PCLO: variants seen among roughly 807,000 people sequenced by gnomAD.
PCLO encodes protein piccolo.
Under a neutral mutation model 427.5 loss-of-function variants are expected in PCLO, and 82 were observed. The observed-to-expected ratio is 0.19, with a 90% CI of 0.16 to 0.23. The LOEUF is 0.23. Ranked by LOEUF, PCLO falls within the 10% of genes least tolerant of loss-of-function variation. The pLI is 1.00. For missense variants in PCLO, 6,239 were observed against 6,115.9 expected (o/e 1.02, Z -0.67); for synonymous variants, 2,357 against 2,155.4 (o/e 1.09, Z -2.59).
chr7:82,786,059 G>T (rs1199421587), intron 22 of PCLO, among the ~76,000 whole-genome samples: 2 of 152,130 alleles, frequency 1.3e-5, no homozygotes, highest in Admixed American at 6.6e-5. Context: ...AACTTCTAAG[G>T]TAGATTAGGA....
chr7:83,028,879 T>C (rs998026607), intron 3 of PCLO, among the ~76,000 whole-genome samples: 8 of 151,892 alleles, frequency 5.3e-5, no homozygotes, highest in Non-Finnish European at 8.8e-5. Context: ...ATTTAATAAA[T>C]GGTGCTGGGA....
At position 82,950,743 on chromosome 7, in the gene PCLO, C is replaced by T; in HGVS notation, c.9845G>A (p.Arg3282Lys). 1.2e-6 allele frequency: 2 copies of T among 1,613,798 alleles called. No individual in the cohort carries two copies. Among genetic ancestry groups the T allele is most frequent in the Non-Finnish European group, 1.7e-6 (2 of 1,179,832 alleles). ...EEERQAQFMM[R>K]QETLAQQQLQ... ...CTGTTGCTGAGCTAACGTCTCCTGCCTCATCATGAACTGGGCTTGCCGCTC... is the reference window on the plus strand; with the variant it reads ...CTGTTGCTGAGCTAACGTCTCCTGCTTCATCATGAACTGGGCTTGCCGCTC... Residue 3282 changes from arginine to lysine, a missense_variant, in exon 6 of 25, where the codon AGG becomes AAG. Arg to Lys is a conservative substitution (Grantham distance 26, BLOSUM62 2). Around this residue, in one of 5 missense-constraint regions of PCLO, gnomAD observed 4,677 missense variants for 4,468.4 expected, o/e 1.05. Transcript: ENST00000333891.
intron 20 of PCLO, among the ~76,000 whole-genome samples, chr7:82,809,006 T>G (rs1417509774): frequency 6.6e-6 from 1 of 152,082 alleles, no homozygotes; most frequent in Non-Finnish European, 1.5e-5. Flanking sequence ...TTTTAATATA[T>G]CTTTTCCAGA....
intron 22 of PCLO, among the ~76,000 whole-genome samples, chr7:82,798,396 G>T (rs999066940): frequency 6.6e-6 from 1 of 151,938 alleles, no homozygotes; most frequent in African/African-American, 2.4e-5. Context: ...TTGTTCCCCC[G>T]CTAAATTGGC....
chr7:82,777,319 C>A (rs1790775374), intron 22 of PCLO, among the ~76,000 whole-genome samples: 1 of 152,082 alleles, frequency 6.6e-6, no homozygotes, highest in Non-Finnish European at 1.5e-5. Context: ...AAGAAAATGA[C>A]CATATTGCCC....
chr7:83,112,119 A>AC (rs757074832), intron 3 of PCLO, among the ~76,000 whole-genome samples: 4 of 152,106 alleles, frequency 2.6e-5, no homozygotes, highest in Non-Finnish European at 4.4e-5. Flanking sequence ...GTGCAGTGGC[A>AC]CGATCTTGGT....
rs1280473573 is a variant in PCLO at position 83,155,569 on chromosome 7, T to C, written c.1072A>G (p.Thr358Ala). The C allele has an allele frequency of 2.1e-6, 3 of 1,407,888 alleles. No individual in the cohort carries two copies. In the African/African-American group the frequency reaches 4.1e-5, roughly 19 times the overall value. The allele number at this position is 1,407,888 out of a possible 1,614,324, so 87.2% of individuals were successfully genotyped here. A position where few individuals can be genotyped will look rare whatever the true frequency, so the allele number is the denominator to read the frequency against. The change falls in exon 2 of 25, where the codon ACA becomes GCA. Residue 358 changes from threonine (T) to alanine (A), a missense_variant. Coordinates refer to ENST00000333891, the MANE Select transcript of PCLO (RefSeq NM_033026.6). The part of the protein sequence containing the change: ...TVKPPVQPPG[T>A]TKPPAQPLGP... ...AGAGGCTGAGCTGGAGGCTTTGTTG[T>C]CCCTGGTGGCTGGACTGGGGGTTTC...
chr7:82,849,589 C>G (rs1434896424), intron 10 of PCLO, among the ~76,000 whole-genome samples: 1 of 152,074 alleles, frequency 6.6e-6, no homozygotes, highest in Non-Finnish European at 1.5e-5. Flanking sequence ...GAATGATATA[C>G]AGGTATAACA....
intron 3 of PCLO, among the ~76,000 whole-genome samples, chr7:82,989,753 T>C (rs1796336260): frequency 6.6e-6 from 1 of 152,138 alleles, no homozygotes; most frequent in Non-Finnish European, 1.5e-5. Flanking sequence ...ATTTCTCTTG[T>C]GAAATTTCCC....
intron 3 of PCLO, among the ~76,000 whole-genome samples, chr7:83,065,839 A>T (rs2116332631): frequency 6.6e-6 from 1 of 152,216 alleles, no homozygotes; most frequent in African/African-American, 2.4e-5. Context: ...AAAAACAGTT[A>T]GGTCAGTAGC....
At chr7:83,013,232 A>G (rs114904809) in intron 3 of PCLO, among the ~76,000 whole-genome samples, 1,585 of 152,320 alleles carry the variant, frequency 0.01, 22 homozygotes, top group African/African-American at 0.036. Context: ...AACTGATAAC[A>G]ATACACCATT....
intron 3 of PCLO, among the ~76,000 whole-genome samples, chr7:83,025,189 G>T (rs1788459478): frequency 6.6e-6 from 1 of 152,100 alleles, no homozygotes; most frequent in African/African-American, 2.4e-5. Context: ...CAAAGGCAAA[G>T]AAGTTGAAAA....
intron 3 of PCLO, among the ~76,000 whole-genome samples, chr7:83,097,697 T>A (rs1790629376): frequency 6.6e-6 from 1 of 151,642 alleles, no homozygotes; most frequent in Non-Finnish European, 1.5e-5. Context: ...CACTTTGTCA[T>A]ATTGCAACCC....
At chr7:83,107,381 C>G (rs932804737) in intron 3 of PCLO, among the ~76,000 whole-genome samples, 20 of 152,054 alleles carry the variant, frequency 1.3e-4, no homozygotes, top group Admixed American at 1.1e-3. Context: ...AAGTCCATCC[C>G]TCCATCATTT....
chr7:82,763,210 G>T (rs1790466317), intron 22 of PCLO, among the ~76,000 whole-genome samples: 1 of 151,982 alleles, frequency 6.6e-6, no homozygotes, highest in Admixed American at 6.6e-5. Flanking sequence ...AGAGCATGTT[G>T]GTAAATAAAT....
intron 3 of PCLO, among the ~76,000 whole-genome samples, chr7:83,038,003 A>ATATATATATATATATTTATATATT (rs1788842269): frequency 1.9e-4 from 7 of 36,530 alleles, no homozygotes; most frequent in Admixed American, 9.5e-4. Context: ...ATATATATAT[A>ATATATATATATATATTTATATATT]TATATATATA....
At chr7:83,002,411 T>C (rs1223215017) in intron 3 of PCLO, among the ~76,000 whole-genome samples, 1 of 148,490 alleles carries the variant, frequency 6.7e-6, no homozygotes, top group African/African-American at 2.4e-5. Flanking sequence ...CCTTATAGTG[T>C]GTTATTGTTT....
intron 16 of PCLO, among the ~76,000 whole-genome samples, chr7:82,828,550 C>T (rs924679816): frequency 2.6e-5 from 4 of 152,142 alleles, no homozygotes; most frequent in African/African-American, 9.7e-5. Context: ...TGCTATTTTA[C>T]AATTGATGAA....
chr7:83,076,948 C>T (rs960664133), intron 3 of PCLO, among the ~76,000 whole-genome samples: 2 of 151,590 alleles, frequency 1.3e-5, no homozygotes, highest in Non-Finnish European at 2.9e-5. Context: ...TTGAGCATTG[C>T]TCTTACATTT....
Sources: gnomAD v4.1 joint callset for allele counts (sites outside exome capture counted in the v4.1 genomes callset) on GRCh38, gnomAD v4.1.1 for gene constraint, gnomAD v4.1.1 regional missense constraint, MANE v1.5 for transcripts, NCBI Gene and HGNC (gene_info 2026-07-23, HGNC 2026-07-21) for gene names.